The following ACOXL variants were observed in gnomAD, a reference collection of about 807,000 sequenced individuals.
ACOXL encodes acyl-coenzyme A oxidase-like protein.
A neutral mutation model predicts 71.9 loss-of-function variants in ACOXL; 70 were observed. The observed-to-expected ratio is 0.97, with a 90% CI of 0.80 to 1.19. The LOEUF is 1.19. Ranked by LOEUF, ACOXL falls within the 50% of genes most tolerant of loss-of-function variation. The pLI, the probability that ACOXL is intolerant of heterozygous loss-of-function variation, is 0.00. For missense variants in ACOXL, 703 were observed against 736.3 expected (o/e 0.95, Z 0.52); for synonymous variants, 253 against 281.6 (o/e 0.90, Z 1.02).
At chr2:110,898,262 A>G (rs1420495631) in intron 10 of ACOXL, among the ~76,000 whole-genome samples, 6 of 152,160 alleles carry the variant, frequency 3.9e-5, no homozygotes, top group African/African-American at 1.4e-4. Context: ...CCATATACTG[A>G]TCCCGGAACC....
chr2:110,816,214 T>C (rs1013730873), intron 9 of ACOXL, among the ~76,000 whole-genome samples: 1 of 150,846 alleles, frequency 6.6e-6, no homozygotes. Context: ...GATGGATAAA[T>C]GATGGATGGA....
chr2:111,093,533 A>G, intron 17 of ACOXL: 1 of 1,613,938 alleles, frequency 6.2e-7, no homozygotes, highest in Non-Finnish European at 8.5e-7. Flanking sequence ...TCTCCACATG[A>G]AGGGAGCTCA....
intron 16 of ACOXL, among the ~76,000 whole-genome samples, chr2:111,085,198 G>C (rs1283115930): frequency 2.0e-5 from 3 of 152,056 alleles, no homozygotes; most frequent in Non-Finnish European, 1.5e-5. Context: ...AAAGTATTCA[G>C]GAGCTGAACT....
At chr2:110,800,651 A>G (rs1030663223) in intron 7 of ACOXL, among the ~76,000 whole-genome samples, 4 of 152,122 alleles carry the variant, frequency 2.6e-5, no homozygotes, top group Admixed American at 2.6e-4. Context: ...AAGAAAAAAA[A>G]GAAGGAAGAG....
At chr2:110,957,087 AG>A (rs2061527837) in intron 12 of ACOXL, among the ~76,000 whole-genome samples, 1 of 152,050 alleles carries the variant, frequency 6.6e-6, no homozygotes, top group Non-Finnish European at 1.5e-5. Context: ...TCTCCTGCTT[AG>A]GAATAAAGTA....
At chr2:110,950,376 T>A (rs1303483144) in intron 12 of ACOXL, among the ~76,000 whole-genome samples, 1 of 152,212 alleles carries the variant, frequency 6.6e-6, no homozygotes, top group Non-Finnish European at 1.5e-5. Flanking sequence ...GAGAGATTGC[T>A]AAAATGACCC....
intron 12 of ACOXL, among the ~76,000 whole-genome samples, chr2:110,980,828 C>T (rs1476897609): frequency 6.6e-6 from 1 of 152,226 alleles, no homozygotes; most frequent in Non-Finnish European, 1.5e-5. Flanking sequence ...GCCCTGAAAG[C>T]CTTTGTTGCT....
At chr2:110,968,444 T>C (rs2149476992) in intron 12 of ACOXL, 1 of 1,192,354 alleles carries the variant, frequency 8.4e-7, no homozygotes, top group East Asian at 2.3e-5. Context: ...GGCCAGAATG[T>C]TGCAGATTAC....
chr2:110,770,540 T>C (rs1681765866), intron 2 of ACOXL, among the ~76,000 whole-genome samples: 2 of 152,220 alleles, frequency 1.3e-5, no homozygotes, highest in Admixed American at 1.3e-4. Context: ...AAAACTCCCA[T>C]GTGACAAAGT....
At chr2:111,083,642 C>T (rs1258573904) in intron 16 of ACOXL, among the ~76,000 whole-genome samples, 1 of 151,540 alleles carries the variant, frequency 6.6e-6, no homozygotes, top group Non-Finnish European at 1.5e-5. Context: ...CAGACCATAT[C>T]GCACAACTAC....
chr2:110,917,182 A>T (rs2059893122), intron 11 of ACOXL, among the ~76,000 whole-genome samples: 1 of 152,244 alleles, frequency 6.6e-6, no homozygotes, highest in Non-Finnish European at 1.5e-5. Flanking sequence ...AACCGAATCC[A>T]GCAGCACATC....
intron 17 of ACOXL, chr2:111,101,082 G>A (rs2069123707): frequency 6.6e-6 from 1 of 152,660 alleles, no homozygotes; most frequent in South Asian, 2.1e-4. Context: ...ATGTGGCTTG[G>A]AGGAAGAATG....
At chr2:111,062,689 T>C (rs1156295405) in intron 16 of ACOXL, among the ~76,000 whole-genome samples, 1 of 152,048 alleles carries the variant, frequency 6.6e-6, no homozygotes, top group African/African-American at 2.4e-5. Context: ...GAGGGAAACT[T>C]ACAGCTTATT....
chr2:111,071,615 G>A (rs79918045), intron 16 of ACOXL, among the ~76,000 whole-genome samples: 9,613 of 152,240 alleles, frequency 0.063, 464 homozygotes, highest in Non-Finnish European at 0.096. Context: ...GTTGTTGCTG[G>A]GGGAAGCTGT....
chr2:110,821,132 A>G (rs1323738465), intron 9 of ACOXL, among the ~76,000 whole-genome samples: 3 of 152,232 alleles, frequency 2.0e-5, no homozygotes, highest in African/African-American at 7.2e-5. Flanking sequence ...GGGCTCTCAA[A>G]GCCCCTGGTT....
chr2:111,043,297 G>A (rs1041339842), intron 15 of ACOXL, among the ~76,000 whole-genome samples: 7 of 152,194 alleles, frequency 4.6e-5, no homozygotes, highest in Non-Finnish European at 1.0e-4. Context: ...TGCTGGTTGC[G>A]AAGAAGTTAA....
At chr2:110,969,858 T>G (rs975948765) in intron 12 of ACOXL, among the ~76,000 whole-genome samples, 2 of 151,920 alleles carry the variant, frequency 1.3e-5, no homozygotes, top group African/African-American at 4.8e-5. Context: ...TTTACATTGA[T>G]AAATTTGACA....
chr2:110,906,665 C>G (rs1249273676), intron 10 of ACOXL, among the ~76,000 whole-genome samples: 2 of 150,540 alleles, frequency 1.3e-5, no homozygotes, highest in East Asian at 2.0e-4. Flanking sequence ...TGGTCAATCA[C>G]TGCTTTTGCT....
chr2:110,812,849 G>A (rs1226659045), intron 9 of ACOXL, among the ~76,000 whole-genome samples: 1 of 152,246 alleles, frequency 6.6e-6, no homozygotes, highest in Non-Finnish European at 1.5e-5. Context: ...CCTGGAACAG[G>A]CGTGTGCCCT....
Sources: gnomAD v4.1 joint callset for allele counts (sites outside exome capture counted in the v4.1 genomes callset) on GRCh38, gnomAD v4.1.1 for gene constraint, MANE v1.5 for transcripts, NCBI Gene and HGNC (gene_info 2026-07-23, HGNC 2026-07-21) for gene names.